The following FLT1 variants were observed in gnomAD, a reference collection of about 807,000 sequenced individuals.
FLT1 encodes the protein vascular endothelial growth factor receptor 1.
Under a neutral mutation model 156.3 loss-of-function variants are expected in FLT1, and 49 were observed. The ratio of observed to expected loss-of-function variants is 0.31; its 90% CI spans 0.25 to 0.40. FLT1 has a LOEUF of 0.40. FLT1 is among the 10% of genes least tolerant of loss of function. FLT1 has a pLI of 1.00. For synonymous variants in FLT1, 594 were observed against 583.8 expected (o/e 1.02, Z -0.25); for missense variants, 1,322 against 1,637.2 (o/e 0.81, Z 3.32).
chr13:28,436,259 C>T (rs1266235706), intron 4 of FLT1, among the ~76,000 whole-genome samples: 1 of 152,148 alleles, frequency 6.6e-6, no homozygotes, highest in African/African-American at 2.4e-5. Context: ...GGCAGCAAGG[C>T]CTGTCTGCAG....
intron 23 of FLT1, among the ~76,000 whole-genome samples, chr13:28,319,768 T>A (rs1670509664): frequency 6.6e-6 from 1 of 152,204 alleles, no homozygotes; most frequent in African/African-American, 2.4e-5. Flanking sequence ...GCCCCTCTGA[T>A]GTGTTCAGCA....
chr13:28,382,147 A>G (rs1229534827), intron 14 of FLT1, among the ~76,000 whole-genome samples: 1 of 152,220 alleles, frequency 6.6e-6, no homozygotes, highest in African/African-American at 2.4e-5. Context: ...AGAGAAGTAG[A>G]AACAGTTATA....
intron 11 of FLT1, among the ~76,000 whole-genome samples, chr13:28,401,486 A>G (rs974152040): frequency 6.6e-6 from 1 of 152,174 alleles, no homozygotes; most frequent in Non-Finnish European, 1.5e-5. Flanking sequence ...TCGTTACTAC[A>G]ATGTTGTTTG....
At chr13:28,391,632 G>A (rs986178855) in intron 12 of FLT1, among the ~76,000 whole-genome samples, 1 of 152,224 alleles carries the variant, frequency 6.6e-6, no homozygotes, top group African/African-American at 2.4e-5. Context: ...GACCTCCTGA[G>A]GCTGTGTCAC....
chr13:28,438,094 T>C, intron 4 of FLT1, 127 bp downstream of exon 4: 1 of 852,268 alleles, frequency 1.2e-6, no homozygotes, highest in South Asian at 1.4e-5. Flanking sequence ...AAAAGGATGT[T>C]ACAGGAAAGT....
chr13:28,380,860 C>T (rs146885807), intron 14 of FLT1, among the ~76,000 whole-genome samples: 151 of 152,242 alleles, frequency 9.9e-4, no homozygotes, highest in African/African-American at 3.4e-3. Context: ...GGCCAGCTTA[C>T]GTTAACTCAT....
At chr13:28,361,862 T>G (rs971159265) in intron 14 of FLT1, among the ~76,000 whole-genome samples, 1 of 152,238 alleles carries the variant, frequency 6.6e-6, no homozygotes, top group Non-Finnish European at 1.5e-5. Context: ...AAATCTTGGT[T>G]GAGGAGTTTC....
At chr13:28,490,176 G>T (rs1022977556) in intron 1 of FLT1, among the ~76,000 whole-genome samples, 1 of 152,196 alleles carries the variant, frequency 6.6e-6, no homozygotes, top group Non-Finnish European at 1.5e-5. Context: ...GGCATGAGTA[G>T]ATTGGGTCAA....
At chr13:28,307,827 A>T (rs1426727056) in intron 28 of FLT1, among the ~76,000 whole-genome samples, 1 of 150,806 alleles carries the variant, frequency 6.6e-6, no homozygotes, top group African/African-American at 2.4e-5. Flanking sequence ...GCTAGAGTGC[A>T]GTGGCGCGAT....
At position 28,345,506 on chromosome 13, in the gene FLT1, G is replaced by A. The variant is rs2138859328; in HGVS notation, c.2294C>T (p.Thr765Ile). The A allele has an allele frequency of 6.2e-7, 1 of 1,613,220 alleles. No individual in the cohort carries two copies. The highest frequency in any genetic ancestry group is 8.5e-7 in the Non-Finnish European group (1 of 1,179,450). The change falls in exon 16 of 30, where the codon ACC (threonine) becomes ATC (isoleucine). Residue 765 changes from threonine to isoleucine, a missense_variant. Physicochemically the swap from Thr to Ile is moderately conservative, Grantham distance 89. Around this residue, in one of 3 missense-constraint regions of FLT1, gnomAD observed 991 missense variants for 1,254.8 expected, o/e 0.79. Coordinates refer to ENST00000282397, the MANE Select transcript of FLT1 (RefSeq NM_002019.4). The stretch of plus-strand genomic sequence containing the variant: ...CCAGAAGAGAGTCGCAGCCACACAG[G>A]TGCATGTTAGAGTGATCAGCTCCAG... ...SNLELITLTC[T>I]CVAATLFWLL...
chr13:28,390,926 T>C (rs971923588), intron 12 of FLT1, among the ~76,000 whole-genome samples: 14 of 152,248 alleles, frequency 9.2e-5, no homozygotes, highest in African/African-American at 3.1e-4. Context: ...GCAACTGTTA[T>C]TCACTATCCT....
At chr13:28,306,109 G>A (rs1172549925) in intron 29 of FLT1, among the ~76,000 whole-genome samples, 1 of 152,218 alleles carries the variant, frequency 6.6e-6, no homozygotes, top group Non-Finnish European at 1.5e-5. Flanking sequence ...GGCATTCGGT[G>A]GTGCATAAGG....
At chr13:28,357,069 C>T (rs1365857801) in intron 15 of FLT1, among the ~76,000 whole-genome samples, 2 of 152,204 alleles carry the variant, frequency 1.3e-5, no homozygotes, top group Non-Finnish European at 2.9e-5. Context: ...TTACAGCCCA[C>T]TTCATTTTAA....
chr13:28,312,138 T>C, intron 25 of FLT1, 40 bp from the exon 26 acceptor site: 1 of 1,274,378 alleles, frequency 7.8e-7, no homozygotes, highest in Admixed American at 1.7e-5. Context: ...TGGAGAGCAG[T>C]GATCATCCTA....
At chr13:28,455,011 T>A (rs1311879756) in intron 3 of FLT1, among the ~76,000 whole-genome samples, 1 of 152,106 alleles carries the variant, frequency 6.6e-6, no homozygotes, top group Admixed American at 6.5e-5. Flanking sequence ...GAAGAAAAAC[T>A]AAATGAATGG....
At chr13:28,366,133 A>G (rs9513090) in intron 14 of FLT1, among the ~76,000 whole-genome samples, 80,883 of 152,004 alleles carry the variant, frequency 0.53, 23,394 homozygotes, top group Middle Eastern at 0.65. Context: ...GTTAAAGCTC[A>G]TGATTCTTAA....
rs1870481877 is a variant in FLT1 at position 28,300,742 on chromosome 13, C to T, written c.*2425G>A. The T allele has an allele frequency of 2.1e-5, 5 of 233,108 alleles. No homozygotes were observed. Among genetic ancestry groups the T allele is most frequent in the Non-Finnish European group, 4.2e-5 (5 of 118,050 alleles). 14.4% of individuals were successfully genotyped at this position (233,108 alleles called of 1,614,324 possible). ...ACAGACTTGCACATGGTTTCAGCCCCATTCCACCCAGACTGTTCCACGTAC... is the reference window on the plus strand; with the variant it reads ...ACAGACTTGCACATGGTTTCAGCCCTATTCCACCCAGACTGTTCCACGTAC... On this transcript the variant is annotated 3_prime_UTR_variant, in exon 30 of 30. Transcript: ENST00000282397.
intron 1 of FLT1, among the ~76,000 whole-genome samples, chr13:28,473,822 GAAAGAAAGAAAGA>G (rs1566050895): frequency 3.3e-4 from 41 of 123,634 alleles, no homozygotes; most frequent in Non-Finnish European, 5.1e-4. Context: ...AAGAAAGAAA[GAAAGAAAGAAAGA>G]AAGGAAGAAA....
At chr13:28,387,978 T>C (rs1453573983) in intron 13 of FLT1, 7 of 1,060,738 alleles carry the variant, frequency 6.6e-6, no homozygotes, top group African/African-American at 3.3e-5. Context: ...TGGTAGGTTC[T>C]GCATGTCCAA....
Sources: allele counts gnomAD v4.1 joint callset (sites outside exome capture counted in the v4.1 genomes callset), GRCh38; gene constraint gnomAD v4.1.1; regional missense constraint gnomAD v4.1.1; transcripts MANE v1.5; gene names NCBI Gene and HGNC (gene_info 2026-07-23, HGNC 2026-07-21).